KLHL32: variants seen among roughly 807,000 people sequenced by gnomAD.
KLHL32 encodes the protein kelch like family member 32, also known as kelch-like protein 32.
In KLHL32, 35 loss-of-function variants were observed where a neutral mutation model predicts 64.8. The observed-to-expected ratio is 0.54, with a 90% CI of 0.41 to 0.72. The LOEUF (loss-of-function observed/expected upper bound fraction) is 0.72. Ranked by LOEUF, KLHL32 falls within the 30% of genes least tolerant of loss-of-function variation. KLHL32 has a pLI of 0.00. For synonymous variants in KLHL32, 259 were observed against 281.0 expected, an observed-to-expected ratio of 0.92 and a Z score of 0.78; for missense variants, 589 against 768.5, an observed-to-expected ratio of 0.77 and a Z score of 2.76.
Position 97,064,689 on chromosome 6 carries a change from T to C in KLHL32, c.374T>C (p.Leu125Ser). 1.2e-6 allele frequency: 2 copies of C among 1,614,172 alleles called. No homozygotes were observed. The highest frequency in any genetic ancestry group is 1.7e-6 in the Non-Finnish European group (2 of 1,180,002). The change falls in exon 5 of 11, where the codon TTG (leucine) becomes TCG (serine). Residue 125 changes from leucine (L) to serine (S), a missense_variant. Physicochemically the swap from Leu to Ser is moderately radical, Grantham distance 145. Coordinates refer to ENST00000369261, the MANE Select transcript of KLHL32 (RefSeq NM_052904.4). ...VLAAGSHLQL[L>S]ELLNLCSHYL... ...GCAGCGGGCAGTCACCTACAGCTGTTGGAGCTTCTCAATTTATGCTCCCAC... is the reference window on the plus strand; with the variant it reads ...GCAGCGGGCAGTCACCTACAGCTGTCGGAGCTTCTCAATTTATGCTCCCAC...
the KLHL32 span, among the ~76,000 whole-genome samples, chr6:96,916,281 G>A: frequency 1.3e-5 from 2 of 152,144 alleles, no homozygotes; most frequent in African/African-American, 4.8e-5. Context: ...ATTGTTATAG[G>A]CACATACTCC....
At chr6:96,942,408 T>C (rs1771407437) in intron 1 of KLHL32, among the ~76,000 whole-genome samples, 1 of 152,248 alleles carries the variant, frequency 6.6e-6, no homozygotes, top group Non-Finnish European at 1.5e-5. Flanking sequence ...AAACCATTCC[T>C]GATTAGCTCT....
At chr6:96,950,142 T>C (rs1772395868) in intron 1 of KLHL32, among the ~76,000 whole-genome samples, 1 of 152,176 alleles carries the variant, frequency 6.6e-6, no homozygotes, top group Non-Finnish European at 1.5e-5. Context: ...GTTAAAATTA[T>C]GTGCATATTC....
chr6:96,981,212 T>G (rs948528400), intron 3 of KLHL32, among the ~76,000 whole-genome samples: 2 of 152,180 alleles, frequency 1.3e-5, no homozygotes, highest in Non-Finnish European at 2.9e-5. Context: ...ATCAGTAGGC[T>G]TCTTCTTACT....
chr6:97,084,293 T>C (rs1793057535), intron 5 of KLHL32, among the ~76,000 whole-genome samples: 1 of 152,208 alleles, frequency 6.6e-6, no homozygotes, highest in Non-Finnish European at 1.5e-5. Flanking sequence ...GCAAATTTTC[T>C]TTCAACAACT....
chr6:96,909,561 T>C, the KLHL32 span, among the ~76,000 whole-genome samples: 1 of 152,194 alleles, frequency 6.6e-6, no homozygotes, highest in African/African-American at 2.4e-5. Flanking sequence ...CTTAGCTCCA[T>C]AATGGACAAG....
chr6:96,902,247 C>CTGTTTT, the KLHL32 span, among the ~76,000 whole-genome samples: 334 of 152,218 alleles, frequency 2.2e-3, 1 homozygote, highest in African/African-American at 7.8e-3. Context: ...TTGCCAGCAT[C>CTGTTTT]TGTTTTTGTT....
intron 1 of KLHL32, among the ~76,000 whole-genome samples, chr6:96,942,484 G>A (rs1771416443): frequency 6.6e-6 from 1 of 152,146 alleles, no homozygotes; most frequent in South Asian, 2.1e-4. Flanking sequence ...GTGGAGAGTT[G>A]CCTTTTGTTG....
the KLHL32 span, among the ~76,000 whole-genome samples, chr6:96,905,399 G>A: frequency 3.9e-5 from 6 of 152,240 alleles, no homozygotes; most frequent in South Asian, 2.1e-4. Flanking sequence ...TGTTCTCTCC[G>A]TCTGTCTGGT....
chr6:97,018,036 C>T (rs1781472684), intron 3 of KLHL32, among the ~76,000 whole-genome samples: 1 of 152,082 alleles, frequency 6.6e-6, no homozygotes, highest in Admixed American at 6.6e-5. Context: ...TGCCACATTA[C>T]CTTAGTTAAT....
chr6:96,954,107 T>C (rs192703946), intron 1 of KLHL32, among the ~76,000 whole-genome samples: 2 of 152,202 alleles, frequency 1.3e-5, no homozygotes, highest in East Asian at 3.9e-4. Flanking sequence ...GAATCACATG[T>C]CTTCCTTTTC....
At chr6:97,053,871 T>C (rs1787359938) in intron 4 of KLHL32, among the ~76,000 whole-genome samples, 4 of 152,088 alleles carry the variant, frequency 2.6e-5, no homozygotes, top group South Asian at 4.1e-4. Flanking sequence ...AGTCTGTGCA[T>C]ATACTACACA....
rs114731560 is a variant in KLHL32 at position 96,941,675 on chromosome 6, G to T, written c.-66+16649G>T. On this transcript the variant is annotated intron_variant, in intron 1 of 10. Transcript: ENST00000369261. Reference sequence around the variant, plus strand: ...CTATCTCTTGAATAAGTGAGCCTGAGAAAGTATCCTCTCAGGAGCCTCTGT... The same window carrying T: ...CTATCTCTTGAATAAGTGAGCCTGATAAAGTATCCTCTCAGGAGCCTCTGT... Among the ~76,000 whole-genome samples, 653 of 152,260 alleles carry T rather than the reference G, an allele frequency of 4.3e-3. 13 individuals are homozygous for T. Among genetic ancestry groups the T allele is most frequent in the African/African-American group, 0.015 (632 of 41,552 alleles).
At chr6:96,963,050 T>A (rs1484063887) in intron 1 of KLHL32, among the ~76,000 whole-genome samples, 1 of 152,148 alleles carries the variant, frequency 6.6e-6, no homozygotes, top group Non-Finnish European at 1.5e-5. Context: ...GGGAAAAATC[T>A]TTTTTCCTCT....
At chr6:96,919,500 T>A in the KLHL32 span, among the ~76,000 whole-genome samples, 1 of 152,246 alleles carries the variant, frequency 6.6e-6, no homozygotes, top group East Asian at 1.9e-4. Context: ...TTGAATCTTC[T>A]ACTTCTACCA....
intron 1 of KLHL32, among the ~76,000 whole-genome samples, chr6:96,958,234 G>A (rs1582476980): frequency 1.3e-5 from 2 of 152,160 alleles, no homozygotes; most frequent in South Asian, 4.1e-4. Context: ...TGAAACTAGG[G>A]CAGTAGACCC....
intron 3 of KLHL32, among the ~76,000 whole-genome samples, chr6:97,011,777 G>T (rs1011108416): frequency 2.0e-5 from 3 of 152,192 alleles, no homozygotes; most frequent in African/African-American, 7.2e-5. Flanking sequence ...GGATAGGCCA[G>T]AAAATGAATA....
chr6:97,041,991 A>G lies in KLHL32; in HGVS notation c.312+392A>G, dbSNP rs568423994. Among the ~76,000 whole-genome samples the G allele has an allele frequency of 4.6e-5, 7 of 152,320 alleles. No homozygotes were observed. The East Asian group carries it at 7.7e-4, about 17-fold the overall frequency. On this transcript the variant is annotated intron_variant, in intron 4 of 10. Transcript: ENST00000369261. Reference sequence around the variant, plus strand: ...TTAGATCCCCAAAAATTTATGTCCAACGTCTTGGTACCATGTCCTCCACAT... The same window carrying G: ...TTAGATCCCCAAAAATTTATGTCCAGCGTCTTGGTACCATGTCCTCCACAT...
At position 97,113,858 on chromosome 6, in the gene KLHL32, C is replaced by T; in HGVS notation, c.703C>T (p.Leu235=). The stretch of plus-strand genomic sequence containing the variant: ...GCTCCTGCAATACATCCGCTTTGGC[C>T]TAATGGATGTGGATACTCTCCATAC... ...DELLQYIRFG[L]MDVDTLHTVA... The change falls in exon 7 of 11, where the codon CTA becomes TTA. Residue 235 remains leucine, a synonymous_variant. Coordinates refer to ENST00000369261, the MANE Select transcript of KLHL32 (RefSeq NM_052904.4). 1.2e-6 allele frequency: 2 copies of T among 1,614,136 alleles called. No individual in the cohort carries two copies. The highest frequency in any genetic ancestry group is 1.6e-4 in the Middle Eastern group (1 of 6,062).
Sources: allele counts gnomAD v4.1 joint callset (sites outside exome capture counted in the v4.1 genomes callset), GRCh38; gene constraint gnomAD v4.1.1; transcripts MANE v1.5; gene names NCBI Gene and HGNC (gene_info 2026-07-23, HGNC 2026-07-21).